Variants in PLD5 observed in about 807,000 individuals in gnomAD.
PLD5 encodes inactive phospholipase D5.
Under a neutral mutation model 61.1 loss-of-function variants are expected in PLD5, and 36 were observed. That is an observed-to-expected ratio of 0.59 (90% CI 0.45 to 0.78). PLD5 has a LOEUF of 0.78. PLD5 is among the 30% of genes least tolerant of loss of function. The pLI, the probability that PLD5 is intolerant of heterozygous loss-of-function variation, is 0.00. For missense variants in PLD5, 515 were observed against 644.4 expected, an observed-to-expected ratio of 0.80 and a Z score of 2.17; for synonymous variants, 243 against 242.8, an observed-to-expected ratio of 1.00 and a Z score of -0.01.
intron 9 of PLD5, among the ~76,000 whole-genome samples, chr1:242,094,705 T>C (rs1175174041): frequency 6.6e-6 from 1 of 152,126 alleles, no homozygotes; most frequent in Non-Finnish European, 1.5e-5. Context: ...CAGGAATCAA[T>C]ATTGCCTAAA....
intron 1 of PLD5, among the ~76,000 whole-genome samples, chr1:242,503,214 C>CT (rs1454082320): frequency 3.9e-5 from 6 of 152,160 alleles, no homozygotes; most frequent in African/African-American, 1.4e-4. Context: ...GTCAGGATCA[C>CT]GGGCACAGAT....
intron 5 of PLD5, among the ~76,000 whole-genome samples, chr1:242,183,745 T>A (rs1667675887): frequency 6.6e-6 from 1 of 151,446 alleles, no homozygotes; most frequent in Non-Finnish European, 1.5e-5. Flanking sequence ...ATACAAAAAA[T>A]TAGGCAGGCG....
chr1:242,347,306 C>T (rs6685967), intron 2 of PLD5, among the ~76,000 whole-genome samples: 112,643 of 152,044 alleles, frequency 0.74, 42,419 homozygotes, highest in Non-Finnish European at 0.81. Flanking sequence ...GGAAATATAA[C>T]AATTTAAATT....
chr1:242,499,778 G>A (rs1256104013), intron 1 of PLD5, among the ~76,000 whole-genome samples: 1 of 149,224 alleles, frequency 6.7e-6, no homozygotes, highest in East Asian at 1.9e-4. Context: ...TGTGCAGGCA[G>A]GAATTTGGCA....
chr1:242,514,693 G>T (rs1488290180), intron 1 of PLD5, among the ~76,000 whole-genome samples: 1 of 152,206 alleles, frequency 6.6e-6, no homozygotes, highest in African/African-American at 2.4e-5. Flanking sequence ...TTATTAAAGA[G>T]TGAGTAGTTT....
intron 4 of PLD5, among the ~76,000 whole-genome samples, chr1:242,233,030 T>C (rs1210329841): frequency 1.3e-5 from 2 of 152,080 alleles, no homozygotes; most frequent in African/African-American, 4.8e-5. Flanking sequence ...GGCAGGAGCC[T>C]GTAATCCCAG....
At chr1:242,124,690 C>T in intron 5 of PLD5, 25 bp from the exon 6 acceptor site, 1 of 1,579,826 alleles carries the variant, frequency 6.3e-7, no homozygotes, top group South Asian at 1.1e-5. Flanking sequence ...TTGAAAGCAT[C>T]AATGCCATGT....
At chr1:242,090,640 C>T (rs1481581866) in intron 9 of PLD5, among the ~76,000 whole-genome samples, 1 of 152,158 alleles carries the variant, frequency 6.6e-6, no homozygotes, top group Non-Finnish European at 1.5e-5. Context: ...GCCCCTTGGC[C>T]CCAGGAAGTG....
chr1:242,162,416 C>G (rs188196896), intron 5 of PLD5, among the ~76,000 whole-genome samples: 10 of 152,234 alleles, frequency 6.6e-5, no homozygotes, highest in African/African-American at 2.4e-4. Context: ...ACAACCATTA[C>G]AGGAAGCAGG....
chr1:242,098,930 A>T (rs1432379224), intron 9 of PLD5, among the ~76,000 whole-genome samples: 1 of 151,994 alleles, frequency 6.6e-6, no homozygotes, highest in African/African-American at 2.4e-5. Flanking sequence ...GTTTTGTCTC[A>T]GAGGAGTACC....
At chr1:242,297,402 ACTTTTTT>A (rs1449497482) in intron 2 of PLD5, among the ~76,000 whole-genome samples, 24 of 129,462 alleles carry the variant, frequency 1.9e-4, no homozygotes, top group Admixed American at 2.6e-4. Flanking sequence ...ACCCTTCAAG[ACTTTTTT>A]TTTTTTTTTT....
chr1:242,423,850 T>C (rs549037713), intron 1 of PLD5, among the ~76,000 whole-genome samples: 38 of 152,200 alleles, frequency 2.5e-4, no homozygotes, highest in African/African-American at 8.4e-4. Context: ...GAATATGGGT[T>C]AAATGAAGCC....
chr1:242,289,593 T>TC (rs1016776249), intron 2 of PLD5, among the ~76,000 whole-genome samples: 30 of 151,806 alleles, frequency 2.0e-4, no homozygotes, highest in East Asian at 1.2e-3. Flanking sequence ...CCTCTCATGA[T>TC]CCCCCCCTGC....
intron 5 of PLD5, among the ~76,000 whole-genome samples, chr1:242,136,597 C>T (rs1156894304): frequency 4.6e-5 from 7 of 152,098 alleles, no homozygotes; most frequent in Admixed American, 2.6e-4. Flanking sequence ...AGCTAAACTC[C>T]CACAAAACAC....
intron 1 of PLD5, among the ~76,000 whole-genome samples, chr1:242,468,688 CAT>C (rs777610128): frequency 6.6e-6 from 1 of 151,808 alleles, no homozygotes; most frequent in African/African-American, 2.4e-5. Context: ...CACACACACA[CAT>C]ACACACACAC....
At chr1:242,245,447 A>G (rs541297340) in intron 4 of PLD5, among the ~76,000 whole-genome samples, 1 of 152,360 alleles carries the variant, frequency 6.6e-6, no homozygotes, top group East Asian at 1.9e-4. Context: ...AACAGCCTCA[A>G]ATCAAGCGCT....
At chr1:242,148,946 A>G (rs1173109764) in intron 5 of PLD5, among the ~76,000 whole-genome samples, 1 of 141,976 alleles carries the variant, frequency 7.0e-6, no homozygotes, top group African/African-American at 2.6e-5. Flanking sequence ...TTACATAATC[A>G]TGTCATCTGC....
chr1:242,418,778 G>T (rs1360995839), intron 1 of PLD5, among the ~76,000 whole-genome samples: 1 of 152,124 alleles, frequency 6.6e-6, no homozygotes, highest in Non-Finnish European at 1.5e-5. Flanking sequence ...ACCCCATAGT[G>T]TGCTCCTTCC....
chr1:242,142,720 C>A (rs866256079), intron 5 of PLD5, among the ~76,000 whole-genome samples: 1 of 149,922 alleles, frequency 6.7e-6, no homozygotes, highest in African/African-American at 2.5e-5. Context: ...GTCTTTCTCT[C>A]TCTCTCTCTC....
Sources: allele counts gnomAD v4.1 joint callset (sites outside exome capture counted in the v4.1 genomes callset), GRCh38; gene constraint gnomAD v4.1.1; transcripts MANE v1.5; gene names NCBI Gene and HGNC (gene_info 2026-07-23, HGNC 2026-07-21).